The following TTLL5 variants were observed in gnomAD, a reference collection of about 807,000 sequenced individuals.
TTLL5 encodes tubulin tyrosine ligase like 5.
In TTLL5, 132 loss-of-function variants were observed where a neutral mutation model predicts 168.4. That is an observed-to-expected ratio of 0.78 (90% CI 0.68 to 0.91). The LOEUF (loss-of-function observed/expected upper bound fraction) is 0.91. Ranked by LOEUF, TTLL5 falls within the 40% of genes least tolerant of loss-of-function variation. The pLI, the probability that TTLL5 is intolerant of heterozygous loss-of-function variation, is 0.00. For missense variants in TTLL5, 1,545 were observed against 1,581.5 expected, an observed-to-expected ratio of 0.98 and a Z score of 0.39; for synonymous variants, 546 against 558.6, an observed-to-expected ratio of 0.98 and a Z score of 0.32.
rs1461470586 is a variant in TTLL5 at position 75,793,080 on chromosome 14, A to G, written c.3151A>G (p.Ile1051Val). 2.5e-6 allele frequency: 4 copies of G among 1,612,002 alleles called. No homozygotes were observed. The highest frequency in any genetic ancestry group is 1.1e-5 in the South Asian group (1 of 90,654). The stretch of plus-strand genomic sequence containing the variant: ...GAGACAGTATTCTCCATCCAGCCAC[A>G]TCAACCTCCTCACCCAACAGGTACG... ...AARQYSPSSH[I>V]NLLTQQVTNL... Residue 1051 changes from isoleucine to valine, a missense_variant, in exon 27 of 32, where the codon ATC becomes GTC. Coordinates refer to ENST00000298832, the MANE Select transcript of TTLL5 (RefSeq NM_015072.5).
chr14:75,695,007 A>G, intron 6 of TTLL5, among the ~76,000 whole-genome samples: 1 of 152,208 alleles, frequency 6.6e-6, no homozygotes, highest in East Asian at 1.9e-4. Context: ...AAAGAACAGG[A>G]TAACAGTGAT....
rs115450125 is a variant in TTLL5, at chr14:75,842,402, C to T, written c.3327-21265C>T. ...GGCAGGAGTACAACTGAGAGGAGGC[C>T]GAGAAGCAGGAGGGTAAAGGGTTCT... On this transcript the variant is annotated intron_variant, in intron 28 of 31. Transcript: ENST00000298832. Among the ~76,000 whole-genome samples, 174 of 152,142 alleles carry T rather than the reference C, an allele frequency of 1.1e-3. 1 individual carries two copies. Among genetic ancestry groups the T allele is most frequent in the African/African-American group, 4.0e-3 (167 of 41,532 alleles).
chr14:75,842,427 T>A (rs1896311606), intron 28 of TTLL5, among the ~76,000 whole-genome samples: 1 of 152,172 alleles, frequency 6.6e-6, no homozygotes, highest in South Asian at 2.1e-4. Flanking sequence ...TAAAGGGTTC[T>A]CCGTGGGCTC....
At chr14:75,822,640 C>T (rs527316945) in intron 28 of TTLL5, among the ~76,000 whole-genome samples, 1 of 152,318 alleles carries the variant, frequency 6.6e-6, no homozygotes, top group African/African-American at 2.4e-5. Flanking sequence ...AAGAACTCTG[C>T]AAATGGTGTT....
At chr14:75,922,697 T>C (rs971230447) in intron 31 of TTLL5, among the ~76,000 whole-genome samples, 2 of 152,210 alleles carry the variant, frequency 1.3e-5, no homozygotes, top group African/African-American at 4.8e-5. Flanking sequence ...TCTCTTTTTT[T>C]GTTGTGTCTC....
chr14:75,669,535 T>G lies in TTLL5; in HGVS notation c.181+13T>G. 6.2e-7 allele frequency: 1 copy of G among 1,609,526 alleles called. No individual in the cohort carries two copies. Among genetic ancestry groups the G allele is most frequent in the South Asian group, 1.1e-5 (1 of 90,802 alleles). ...AGAGTAATTGGAGGTGCGTATAACC[T>G]CTCCCACAGAGGACGGAGCTGGGCA... is the stretch of plus-strand genomic sequence containing the variant. On this transcript the variant is annotated intron_variant, in intron 3 of 31. Transcript: ENST00000298832.
chr14:75,752,617 C>G (rs955245322), intron 17 of TTLL5, among the ~76,000 whole-genome samples: 3 of 151,800 alleles, frequency 2.0e-5, no homozygotes, highest in African/African-American at 7.3e-5. Flanking sequence ...TAGTATATTA[C>G]CTATTATTAA....
At chr14:75,751,021 C>A (rs1236634741) in intron 17 of TTLL5, among the ~76,000 whole-genome samples, 1 of 152,142 alleles carries the variant, frequency 6.6e-6, no homozygotes, top group Non-Finnish European at 1.5e-5. Flanking sequence ...ATGTGTGTAA[C>A]CATCCCTTAT....
intron 28 of TTLL5, among the ~76,000 whole-genome samples, chr14:75,855,413 C>G (rs770750079): frequency 6.6e-6 from 1 of 152,126 alleles, no homozygotes; most frequent in Non-Finnish European, 1.5e-5. Context: ...GGAATTGCCA[C>G]GGGTGAGTTT....
chr14:75,863,951 A>C, intron 29 of TTLL5, 89 bp downstream of exon 29: 2 of 1,262,356 alleles, frequency 1.6e-6, no homozygotes, highest in Non-Finnish European at 2.1e-6. Context: ...TGAATGAGAA[A>C]TGTAGGATTA....
intron 31 of TTLL5, among the ~76,000 whole-genome samples, chr14:75,928,517 A>G (rs1226950183): frequency 6.6e-6 from 1 of 151,648 alleles, no homozygotes; most frequent in Non-Finnish European, 1.5e-5. Flanking sequence ...TACTCTTTTC[A>G]GAGAGCATTA....
chr14:75,677,753 G>A (rs1884288378), intron 3 of TTLL5, among the ~76,000 whole-genome samples: 1 of 151,118 alleles, frequency 6.6e-6, no homozygotes, highest in African/African-American at 2.4e-5. Flanking sequence ...GAGTAGCTAA[G>A]ACTACAGGCG....
rs572043661 is a variant in TTLL5, at chr14:75,694,123, C to T, written c.502+3801C>T. On this transcript the variant is annotated intron_variant, in intron 6 of 31. Transcript: ENST00000298832. ...TGGGGAGCCTGTTTTAGTACATCTT[C>T]ATCCTGAAGCAGAGAGTCCTGAGCA... Among the ~76,000 whole-genome samples, 149 of 152,328 alleles carry T rather than the reference C, an allele frequency of 9.8e-4. 4 individuals carry two copies. The South Asian group carries it at 0.03, about 31-fold the overall frequency.
At chr14:75,888,295 A>T (rs916612814) in intron 30 of TTLL5, among the ~76,000 whole-genome samples, 2 of 152,198 alleles carry the variant, frequency 1.3e-5, no homozygotes, top group African/African-American at 4.8e-5. Context: ...CATGAGAGTC[A>T]TGGAATGATG....
intron 26 of TTLL5, among the ~76,000 whole-genome samples, chr14:75,785,607 AT>A (rs550356871): frequency 1.1e-4 from 16 of 152,344 alleles, no homozygotes; most frequent in African/African-American, 3.6e-4. Context: ...TTAAATCAGC[AT>A]CATTTGTGGA....
intron 3 of TTLL5, among the ~76,000 whole-genome samples, chr14:75,676,768 C>CTT (rs779894993): frequency 5.1e-5 from 7 of 138,462 alleles, no homozygotes; most frequent in Admixed American, 7.3e-5. Flanking sequence ...TAGCATTTTA[C>CTT]TTTTTTTTTT....
chr14:75,707,733 G>T (rs756371064), intron 9 of TTLL5, 26 bp downstream of exon 9: 10 of 1,574,906 alleles, frequency 6.3e-6, no homozygotes, highest in African/African-American at 1.4e-5. Context: ...GGGGTGAAGG[G>T]GTTGGGTGGG....
At chr14:75,797,368 G>C (rs1171821597) in intron 27 of TTLL5, among the ~76,000 whole-genome samples, 1 of 151,982 alleles carries the variant, frequency 6.6e-6, no homozygotes, top group Non-Finnish European at 1.5e-5. Flanking sequence ...TTGGCAAACA[G>C]CAACAGTTTG....
chr14:75,864,089 T>G (rs2030300724), intron 29 of TTLL5, among the ~76,000 whole-genome samples: 1 of 152,102 alleles, frequency 6.6e-6, no homozygotes, highest in East Asian at 1.9e-4. Context: ...TGACATGTTT[T>G]TTTTTCATTT....
Sources: allele counts gnomAD v4.1 joint callset (sites outside exome capture counted in the v4.1 genomes callset), GRCh38; gene constraint gnomAD v4.1.1; transcripts MANE v1.5; gene names NCBI Gene and HGNC (gene_info 2026-07-23, HGNC 2026-07-21).